INTS6L: variants seen among roughly 807,000 people sequenced by gnomAD.
INTS6L encodes integrator complex subunit 6-like.
Under a neutral mutation model 64.7 loss-of-function variants are expected in INTS6L, and 18 were observed. The ratio of observed to expected loss-of-function variants is 0.28; its 90% CI spans 0.19 to 0.41. The LOEUF (loss-of-function observed/expected upper bound fraction) is 0.41. Ranked by LOEUF, INTS6L falls within the 10% of genes least tolerant of loss-of-function variation. INTS6L has a pLI of 1.00. For missense variants in INTS6L, 533 were observed against 661.0 expected, an observed-to-expected ratio of 0.81 and a Z score of 2.12; for synonymous variants, 227 against 235.9, an observed-to-expected ratio of 0.96 and a Z score of 0.34.
intron 11 of INTS6L, 102 bp downstream of exon 11, chrX:135,570,648 A>G: frequency 2.2e-6 from 2 of 908,803 alleles, no homozygotes; most frequent in Non-Finnish European, 2.9e-6. Context: ...ATGTGTATAT[A>G]TCTCTACACT....
In INTS6L at chrX:135,549,767, C is replaced by G. The variant is rs782506511; in HGVS notation, c.868C>G (p.Pro290Ala). The part of the protein sequence containing the change: ...TGVPVGHWPI[P>A]ESFWPDQNLP... ...TGTTCCTGTTGGACATTGGCCAATT[C>G]CAGAATCTTTTTGGCCAGATCAGAA... The change falls in exon 7 of 18, where the codon CCA (proline) becomes GCA (alanine). Residue 290 changes from proline to alanine, a missense_variant. Physicochemically the swap from Pro to Ala is conservative, Grantham distance 27. Transcript: ENST00000639893. 1.7e-6 allele frequency: 2 copies of G among 1,210,411 alleles called. No individual in the cohort carries two copies. The highest frequency in any genetic ancestry group is 2.2e-6 in the Non-Finnish European group (2 of 895,201).
chrX:135,579,145 G>T (rs1355874306), intron 15 of INTS6L, among the ~76,000 whole-genome samples: 4 of 112,043 alleles, frequency 3.6e-5, no homozygotes, highest in Non-Finnish European at 7.5e-5. Context: ...CACAAGGGCA[G>T]GGAACGTTGC....
intron 15 of INTS6L, 74 bp downstream of exon 15, chrX:135,577,501 T>C (rs1490208847): frequency 1.0e-6 from 1 of 1,003,761 alleles, no homozygotes; most frequent in East Asian, 3.1e-5. Context: ...TTTCCCTTTT[T>C]GTGTTCCTTC....
intron 2 of INTS6L, among the ~76,000 whole-genome samples, chrX:135,529,770 C>T (rs1024752533): frequency 2.7e-5 from 3 of 112,214 alleles, no homozygotes; most frequent in Admixed American, 9.4e-5. Context: ...TGAACAATCA[C>T]GAAATAGCCT....
intron 2 of INTS6L, among the ~76,000 whole-genome samples, chrX:135,523,820 A>C (rs2085657969): frequency 9.0e-6 from 1 of 111,557 alleles, no homozygotes; most frequent in Non-Finnish European, 1.9e-5. Flanking sequence ...TATATACTAC[A>C]TTTTTTTCCT....
chrX:135,528,017 T>C (rs2148563970), intron 2 of INTS6L, among the ~76,000 whole-genome samples: 1 of 111,639 alleles, frequency 9.0e-6, no homozygotes, highest in Admixed American at 9.4e-5. Flanking sequence ...ATGTGTTTTC[T>C]AGAGAAGGGT....
chrX:135,540,321 C>G (rs1172494184), intron 2 of INTS6L, among the ~76,000 whole-genome samples: 7 of 111,679 alleles, frequency 6.3e-5, no homozygotes, highest in Non-Finnish European at 1.3e-4. Context: ...CAGCACCTAC[C>G]CAGAGGGTGG....
At chrX:135,521,841 C>T (rs1334155734) in intron 2 of INTS6L, among the ~76,000 whole-genome samples, 1 of 109,423 alleles carries the variant, frequency 9.1e-6, no homozygotes, top group African/African-American at 3.3e-5. Flanking sequence ...TGGGCTCCTC[C>T]TCTGGCCCCT....
chrX:135,545,984 CA>C (rs1214404843), intron 3 of INTS6L, among the ~76,000 whole-genome samples: 2 of 112,085 alleles, frequency 1.8e-5, no homozygotes, highest in African/African-American at 6.5e-5. Flanking sequence ...TCACAGTAAC[CA>C]GAGTCACTCT....
At chrX:135,537,400 T>C (rs1208579697) in intron 2 of INTS6L, among the ~76,000 whole-genome samples, 1 of 112,390 alleles carries the variant, frequency 8.9e-6, no homozygotes, top group East Asian at 2.8e-4. Context: ...ACATGAAGGA[T>C]TGTTACAGGG....
chrX:135,545,435 G>A lies in INTS6L; in HGVS notation c.202G>A (p.Glu68Lys). The change falls in exon 3 of 18, where the codon GAA (glutamate) becomes AAA (lysine). Residue 68 changes from glutamate (E) to lysine (K), a missense_variant. Transcript: ENST00000639893. ...GTTTGGTTTGCAGGCTGGTTGGAAG[G>A]AAAATCATGCAACATTCATGAGCGA... ...PPYCIKAGWKENHATFMSELK... is the reference protein window; with the variant it reads ...PPYCIKAGWKKNHATFMSELK... 8.3e-7 allele frequency: 1 copy of A among 1,208,599 alleles called. No homozygotes were observed. Among genetic ancestry groups the A allele is most frequent in the Non-Finnish European group, 1.1e-6 (1 of 894,765 alleles).
intron 9 of INTS6L, among the ~76,000 whole-genome samples, chrX:135,563,077 G>A (rs1475910983): frequency 9.0e-6 from 1 of 110,686 alleles, no homozygotes; most frequent in African/African-American, 3.3e-5. Flanking sequence ...CATCTTTTGG[G>A]TTATTTAAAC....
At chrX:135,529,141 G>A (rs782321292) in intron 2 of INTS6L, among the ~76,000 whole-genome samples, 106 of 111,960 alleles carry the variant, frequency 9.5e-4, no homozygotes, top group African/African-American at 3.2e-3. Context: ...TTTATAATAT[G>A]TGCTCACCAG....
In INTS6L at chrX:135,575,161, G is replaced by C; in HGVS notation, c.1819G>C (p.Glu607Gln). 3.3e-6 allele frequency: 4 copies of C among 1,211,827 alleles called. No individual in the cohort carries two copies. The highest frequency in any genetic ancestry group is 4.5e-6 in the Non-Finnish European group (4 of 895,466). Residue 607 changes from glutamate to glutamine, a missense_variant, in exon 14 of 18, where the codon GAG (glutamate) becomes CAG (glutamine). By Grantham distance (29) the Glu-to-Gln change is conservative (BLOSUM62 2). Coordinates refer to ENST00000639893, the MANE Select transcript of INTS6L (RefSeq NM_001351601.3). ...YLKTLASPLR[E>Q]IDPDQPKRLH... is the part of the protein sequence containing the mutation. ...GAAGACATTGGCTTCTCCACTGCGA[G>C]AGATTGATCCAGACCAACCCAAAAG...
In INTS6L at chrX:135,581,042, A is replaced by G. The variant is rs182526556; in HGVS notation, c.2495-8A>G. ...TAAAAATACTGAAGTTTTTTTAAATATCTTCAGAATATGAAAGAATTTTCA... is the reference window on the plus strand; with the variant it reads ...TAAAAATACTGAAGTTTTTTTAAATGTCTTCAGAATATGAAAGAATTTTCA... On this transcript the variant is annotated splice_region_variant and splice_polypyrimidine_tract_variant and intron_variant, in intron 16 of 17. Coordinates refer to ENST00000639893, the MANE Select transcript of INTS6L (RefSeq NM_001351601.3). 9.8e-6 allele frequency: 11 copies of G among 1,117,598 alleles called. No homozygotes were observed. In the Admixed American group the frequency reaches 1.9e-4, roughly 19 times the overall value. 92.1% of individuals were successfully genotyped at this position (1,117,598 alleles called of 1,213,427 possible). A position where few individuals can be genotyped will look rare whatever the true frequency, so the allele number is the denominator to read the frequency against.
Position 135,572,726 on chromosome X carries a change from G to A in INTS6L, c.1399-89G>A, listed in dbSNP as rs373384691. ...ATTTGTAATTGAAAATTGTTCTGTG[G>A]GGTTCTGAAAGTATTATCTTTCTTA... On this transcript the variant is annotated intron_variant, in intron 11 of 17. Transcript: ENST00000639893. 35 of 754,952 alleles carry A rather than the reference G, an allele frequency of 4.6e-5. No homozygotes were observed. In the Middle Eastern group the frequency reaches 1.0e-3, roughly 22 times the overall value. The allele number at this position is 754,952 out of a possible 1,213,427, so 62.2% of individuals were successfully genotyped here.
chrX:135,555,223 A>G (rs2086619553), intron 8 of INTS6L, among the ~76,000 whole-genome samples: 1 of 111,629 alleles, frequency 9.0e-6, no homozygotes, highest in Non-Finnish European at 1.9e-5. Flanking sequence ...AATGCCTTCC[A>G]GGTTGACCCA....
chrX:135,559,737 A>G (rs950381750), intron 9 of INTS6L, among the ~76,000 whole-genome samples: 2 of 112,499 alleles, frequency 1.8e-5, no homozygotes, highest in African/African-American at 6.5e-5. Context: ...GAGTAGCTAT[A>G]CTATTTTACA....
Position 135,547,190 on chromosome X carries a change from C to G in INTS6L, c.667C>G (p.Leu223Val). 1 of 1,210,090 alleles carries G rather than the reference C, an allele frequency of 8.3e-7. No individual in the cohort carries two copies. Among genetic ancestry groups the G allele is most frequent in the Non-Finnish European group, 1.1e-6 (1 of 894,476 alleles). The change falls in exon 6 of 18, where the codon CTA becomes GTA. Residue 223 changes from leucine to valine, a missense_variant. By Grantham distance (32) the Leu-to-Val change is conservative. Coordinates refer to ENST00000639893, the MANE Select transcript of INTS6L (RefSeq NM_001351601.3). ...QRMLNQCLES[L>V]VQKVQSGVVI... ...AATGTTGAATCAATGTTTAGAATCT[C>G]TAGTTCAAAAAGTTCAGAGTGGTGT...
Sources: allele counts gnomAD v4.1 joint callset (sites outside exome capture counted in the v4.1 genomes callset), GRCh38; gene constraint gnomAD v4.1.1; transcripts MANE v1.5; gene names NCBI Gene and HGNC (gene_info 2026-07-23, HGNC 2026-07-21).